Variants in ZMYM2 observed in about 807,000 individuals in gnomAD.
ZMYM2 encodes zinc finger MYM-type protein 2.
In ZMYM2, 56 loss-of-function variants were observed where a neutral mutation model predicts 162.8. The ratio of observed to expected loss-of-function variants is 0.34; its 90% CI spans 0.28 to 0.43. The LOEUF (loss-of-function observed/expected upper bound fraction) is 0.43. Among genes scored for constraint, ZMYM2 ranks in the 20% least tolerant of loss-of-function variants. The pLI is 1.00. For missense variants in ZMYM2, 1,275 were observed against 1,621.8 expected (o/e 0.79, Z 3.67); for synonymous variants, 510 against 541.6 (o/e 0.94, Z 0.81).
the ZMYM2 span, among the ~76,000 whole-genome samples, chr13:19,876,620 G>A: frequency 1.3e-5 from 2 of 152,170 alleles, no homozygotes; most frequent in African/African-American, 4.8e-5. Flanking sequence ...ACCTCGCCTG[G>A]CCTAAAATTT....
chr13:19,960,690 C>A (rs1376595722), intron 2 of ZMYM2, among the ~76,000 whole-genome samples: 2 of 152,078 alleles, frequency 1.3e-5, no homozygotes, highest in Non-Finnish European at 2.9e-5. Context: ...GAATGTGTTA[C>A]CAGAGAATTA....
At chr13:20,063,236 C>G (rs1395671510) in intron 18 of ZMYM2, among the ~76,000 whole-genome samples, 2 of 151,556 alleles carry the variant, frequency 1.3e-5, no homozygotes, top group Admixed American at 6.6e-5. Context: ...AACACTGTCT[C>G]TACTAAAAAT....
At chr13:19,926,646 G>T in the ZMYM2 span, among the ~76,000 whole-genome samples, 1 of 152,138 alleles carries the variant, frequency 6.6e-6, no homozygotes, top group African/African-American at 2.4e-5. Flanking sequence ...TTACAGGCGT[G>T]AGCCACTGCA....
In ZMYM2 at chr13:20,028,191, A is replaced by G. The variant is rs1245474209; in HGVS notation, c.1851+873A>G. ...TTCAAATGAATGTCAGTTTTTGTTAATAGTAATATTCTCACTGAGCTTAGG... is the reference window on the plus strand; with the variant it reads ...TTCAAATGAATGTCAGTTTTTGTTAGTAGTAATATTCTCACTGAGCTTAGG... On this transcript the variant is annotated intron_variant, in intron 9 of 24. Transcript: ENST00000610343. The G allele has an allele frequency of 3.8e-5, 6 of 159,488 alleles. No individual in the cohort carries two copies. In the Admixed American group the frequency reaches 3.9e-4, roughly 10 times the overall value. 9.9% of individuals were successfully genotyped at this position (159,488 alleles called of 1,614,324 possible).
At chr13:20,043,749 GCA>G (rs976491000) in intron 12 of ZMYM2, among the ~76,000 whole-genome samples, 1 of 152,036 alleles carries the variant, frequency 6.6e-6, no homozygotes, top group Non-Finnish European at 1.5e-5. Context: ...AGGGCAGGGT[GCA>G]CACACACACG....
chr13:19,923,349 T>A, the ZMYM2 span, among the ~76,000 whole-genome samples: 1 of 83,950 alleles, frequency 1.2e-5, no homozygotes. Flanking sequence ...ACAGCGAGAC[T>A]CCGTCGCAAA....
At chr13:19,881,604 AGAGT>A in the ZMYM2 span, among the ~76,000 whole-genome samples, 9 of 151,878 alleles carry the variant, frequency 5.9e-5, no homozygotes. Flanking sequence ...CCTGGGCAAC[AGAGT>A]GAGACTCAGT....
rs376208591 is a variant in ZMYM2, at chr13:20,019,632, T to C, written c.1584+14T>C. 238 of 1,580,766 alleles carry C rather than the reference T, an allele frequency of 1.5e-4. No individual in the cohort carries two copies. Among genetic ancestry groups the C allele is most frequent in the Non-Finnish European group, 1.9e-4 (221 of 1,162,216 alleles). Reference sequence around the variant, plus strand: ...ATGCAGCCTGAGGTAAGCAGGAATGTAAATGGAGTTCAAGGCCTTAACATT... The same window carrying C: ...ATGCAGCCTGAGGTAAGCAGGAATGCAAATGGAGTTCAAGGCCTTAACATT... On this transcript the variant is annotated intron_variant, in intron 7 of 24. Transcript: ENST00000610343.
In ZMYM2 at chr13:20,055,248, A is replaced by G. The variant is rs371062714; in HGVS notation, c.2493+2937A>G. Reference sequence around the variant, plus strand: ...TCATTCATGGATTTCAAATTTGCCTACCCACCAAAATTTATTTGTAACCCC... The same window carrying G: ...TCATTCATGGATTTCAAATTTGCCTGCCCACCAAAATTTATTTGTAACCCC... On this transcript the variant is annotated intron_variant, in intron 14 of 24. Transcript: ENST00000610343. 2.6e-5 allele frequency among the ~76,000 whole-genome samples: 4 copies of G among 152,226 alleles called. No homozygotes were observed. In the East Asian group the frequency reaches 5.8e-4, roughly 22 times the overall value.
At chr13:19,943,096 C>T in the ZMYM2 span, among the ~76,000 whole-genome samples, 7 of 152,138 alleles carry the variant, frequency 4.6e-5, no homozygotes, top group Admixed American at 4.6e-4. Context: ...CGGCTTCCTG[C>T]TCTTCTAGCT....
At chr13:19,912,254 G>A in the ZMYM2 span, among the ~76,000 whole-genome samples, 1 of 140,550 alleles carries the variant, frequency 7.1e-6, no homozygotes, top group Non-Finnish European at 1.5e-5. Context: ...CAACCCTCCA[G>A]TCCTATGTTA....
the ZMYM2 span, among the ~76,000 whole-genome samples, chr13:19,869,266 C>A: frequency 2.0e-5 from 3 of 152,114 alleles, no homozygotes; most frequent in Middle Eastern, 3.2e-3. Flanking sequence ...CAACTGGATA[C>A]ACAAGTTTTA....
rs1183308306 is a variant in ZMYM2 at position 20,066,879 on chromosome 13, A to G, written c.3161A>G (p.Tyr1054Cys). 6.2e-7 allele frequency: 1 copy of G among 1,609,242 alleles called. No individual in the cohort carries two copies. Among genetic ancestry groups the G allele is most frequent in the African/African-American group, 1.3e-5 (1 of 74,906 alleles). ...KGAKRKAVSGYQSHDDSSDNS... is the reference protein window; with the variant it reads ...KGAKRKAVSGCQSHDDSSDNS... ...GCCAAGAGAAAGGCTGTATCAGGAT[A>G]CCAGTCTCATGATGATAGTTCTGAC... The change falls in exon 20 of 25, where the codon TAC (tyrosine) becomes TGC (cysteine). Residue 1054 changes from tyrosine (Y) to cysteine (C), a missense_variant. By Grantham distance (194) the Tyr-to-Cys change is radical. Transcript: ENST00000610343.
At chr13:19,964,664 T>C (rs557356025) in intron 2 of ZMYM2, among the ~76,000 whole-genome samples, 1 of 152,316 alleles carries the variant, frequency 6.6e-6, no homozygotes, top group South Asian at 2.1e-4. Context: ...TTCTCTTTAA[T>C]GTCAGTAGGC....
At chr13:19,941,720 C>CTTTTTTT in the ZMYM2 span, among the ~76,000 whole-genome samples, 5 of 63,002 alleles carry the variant, frequency 7.9e-5, 1 homozygote, top group African/African-American at 1.3e-4. Flanking sequence ...TGGCTTTCTG[C>CTTTTTTT]TTTTTTTTTT....
At chr13:19,939,247 C>G in the ZMYM2 span, among the ~76,000 whole-genome samples, 1 of 151,908 alleles carries the variant, frequency 6.6e-6, no homozygotes, top group Non-Finnish European at 1.5e-5. Context: ...TGGTCTTGAA[C>G]TCCTGACCTC....
the ZMYM2 span, among the ~76,000 whole-genome samples, chr13:19,917,200 G>C: frequency 1.3e-4 from 20 of 152,098 alleles, no homozygotes; most frequent in Non-Finnish European, 2.1e-4. Context: ...CTGACCTCGT[G>C]ATCCGCCCGC....
intron 3 of ZMYM2, among the ~76,000 whole-genome samples, chr13:19,998,488 GAT>G (rs966815966): frequency 6.6e-6 from 1 of 152,144 alleles, no homozygotes; most frequent in African/African-American, 2.4e-5. Flanking sequence ...GTTTCTTTTA[GAT>G]ATGTTCAAGC....
chr13:19,888,444 A>T, the ZMYM2 span, among the ~76,000 whole-genome samples: 1 of 150,098 alleles, frequency 6.7e-6, no homozygotes, highest in Non-Finnish European at 1.5e-5. Context: ...CTGCCTTGGC[A>T]TCCCAAAGTG....
Sources: allele counts gnomAD v4.1 joint callset (sites outside exome capture counted in the v4.1 genomes callset), GRCh38; gene constraint gnomAD v4.1.1; transcripts MANE v1.5; gene names NCBI Gene and HGNC (gene_info 2026-07-23, HGNC 2026-07-21).